SLC5A2: variants seen among roughly 807,000 people sequenced by gnomAD.
SLC5A2 encodes the protein solute carrier family 5 member 2, also known as sodium/glucose cotransporter 2.
SLC5A2 carries 67 observed loss-of-function variants against 69.0 expected under a neutral mutation model. The observed-to-expected ratio is 0.97, with a 90% CI of 0.80 to 1.19. The LOEUF (loss-of-function observed/expected upper bound fraction) is 1.19, where lower values mean the gene tolerates loss of function less well. Among genes scored for constraint, SLC5A2 ranks in the 50% most tolerant of loss-of-function variants. The pLI is 0.00. For synonymous variants in SLC5A2, 455 were observed against 395.8 expected, an observed-to-expected ratio of 1.15 and a Z score of -1.78; for missense variants, 1,001 against 921.5, an observed-to-expected ratio of 1.09 and a Z score of -1.12.
chr16:31,487,406 G>C lies in SLC5A2; in HGVS notation c.655+6G>C, dbSNP rs779984246. On this transcript the variant is annotated splice_donor_region_variant and intron_variant, in intron 6 of 13. Transcript: ENST00000330498. ...CTGCATCCTCATGGGTTACGGTAGG[G>C]GCTCGCCTACCAGGGAGGGGCGCGG... The C allele has an allele frequency of 1.9e-6, 3 of 1,613,096 alleles. No homozygotes were observed. The South Asian group carries it at 3.3e-5, about 18-fold the overall frequency.
At chr16:31,483,315 G>A in intron 1 of SLC5A2, 53 bp downstream of exon 1, 3 of 1,611,184 alleles carry the variant, frequency 1.9e-6, no homozygotes, top group Non-Finnish European at 2.5e-6. Flanking sequence ...GGGGCCTGGG[G>A]GAAAAGTCTC....
intron 10 of SLC5A2, 42 bp downstream of exon 10, chr16:31,488,814 G>C: frequency 6.2e-7 from 1 of 1,600,846 alleles, no homozygotes; most frequent in South Asian, 1.1e-5. Flanking sequence ...ATCAGCCCGG[G>C]GCGGGGGCTT....
In SLC5A2 at chr16:31,487,203, T is replaced by C. The variant is rs973201368; in HGVS notation, c.575-117T>C. On this transcript the variant is annotated intron_variant, in intron 5 of 13. Transcript: ENST00000330498. The stretch of plus-strand genomic sequence containing the variant: ...TGAGCCCCGAGAACAGGCTATCGTT[T>C]TGAAATTTATTCTCCAGGAAGGGGA... 7.8e-6 allele frequency: 8 copies of C among 1,027,298 alleles called. No individual in the cohort carries two copies. In the African/African-American group the frequency reaches 9.5e-5, roughly 12 times the overall value. 63.6% of individuals were successfully genotyped at this position (1,027,298 alleles called of 1,614,324 possible).
At chr16:31,485,035 AC>A (rs1363138846) in intron 3 of SLC5A2, 112 bp downstream of exon 3, 1 of 985,866 alleles carries the variant, frequency 1.0e-6, no homozygotes, top group Admixed American at 2.0e-5. Flanking sequence ...GGACTTCCCA[AC>A]TGCGGGGTGT....
Position 31,489,144 on chromosome 16 carries a change from G to A in SLC5A2, c.1471G>A (p.Gly491Arg), listed in dbSNP as rs1170619221. Reference sequence around the variant, plus strand: ...GCAGGGCGCCTTCTGGGGACTCATCGGGGGCCTGCTGATGGGCCTGGCACG... The same window carrying A: ...GCAGGGCGCCTTCTGGGGACTCATCAGGGGCCTGCTGATGGGCCTGGCACG... The part of the protein sequence containing the change: ...NEQGAFWGLI[G>R]GLLMGLARLI... Residue 491 changes from glycine to arginine, a missense_variant, in exon 12 of 14, where the codon GGG becomes AGG. Physicochemically the swap from Gly to Arg is moderately radical, Grantham distance 125. Transcript: ENST00000330498. The A allele has an allele frequency of 3.1e-6, 5 of 1,609,254 alleles. No individual in the cohort carries two copies. Among genetic ancestry groups the A allele is most frequent in the African/African-American group, 1.3e-5 (1 of 75,058 alleles).
At chr16:31,487,456 C>G in intron 6 of SLC5A2, 56 bp downstream of exon 6, 1 of 1,610,366 alleles carries the variant, frequency 6.2e-7, no homozygotes, top group Non-Finnish European at 8.5e-7. Flanking sequence ...GAGCTCTCGG[C>G]CTGCGCGCGG....
chr16:31,483,311 TG>T (rs1567386896), intron 1 of SLC5A2, 49 bp downstream of exon 1: 1 of 1,589,960 alleles, frequency 6.3e-7, no homozygotes. Context: ...TTTGGGGGCC[TG>T]GGGGAAAAGT....
At position 31,488,892 on chromosome 16, in the gene SLC5A2, G is replaced by A. The variant is rs764594415; in HGVS notation, c.1293G>A (p.Val431=). 2 of 1,605,382 alleles carry A rather than the reference G, an allele frequency of 1.2e-6. No homozygotes were observed. Among genetic ancestry groups the A allele is most frequent in the African/African-American group, 1.3e-5 (1 of 74,928 alleles). Residue 431 remains valine (V), a synonymous_variant, in exon 11 of 14, where the codon GTG becomes GTA. Coordinates refer to ENST00000330498, the MANE Select transcript of SLC5A2 (RefSeq NM_003041.4). ...ELLLVGRLWV[V]FIVVVSVAWL... is the part of the protein sequence containing the mutation. The stretch of plus-strand genomic sequence containing the variant: ...GCCTCCGCCGCAGGCTCTGGGTGGT[G>A]TTCATCGTGGTAGTGTCGGTGGCCT...
rs1188721313 is a variant in SLC5A2 at position 31,490,323 on chromosome 16, G to A, written c.1807G>A (p.Ala603Thr). ...AMEMNEPQAP[A>T]PSLFRQCLLW... The stretch of plus-strand genomic sequence containing the variant: ...ATTTCCCTCAGAGCCCCAGGCCCCG[G>A]CACCAAGCCTCTTCCGCCAGTGCCT... Residue 603 changes from alanine to threonine, a missense_variant, in exon 14 of 14, where the codon GCA becomes ACA. Ala to Thr is a moderately conservative substitution (Grantham distance 58). Coordinates refer to ENST00000330498, the MANE Select transcript of SLC5A2 (RefSeq NM_003041.4). 2 of 1,612,070 alleles carry A rather than the reference G, an allele frequency of 1.2e-6. No homozygotes were observed. The highest frequency in any genetic ancestry group is 8.5e-7 in the Non-Finnish European group (1 of 1,179,286).
At chr16:31,486,749 C>A (rs905039374) in intron 5 of SLC5A2, among the ~76,000 whole-genome samples, 4 of 152,192 alleles carry the variant, frequency 2.6e-5, no homozygotes, top group African/African-American at 9.7e-5. Flanking sequence ...CCTACGATGA[C>A]GCAGAAAAAA....
Position 31,490,718 on chromosome 16 carries a change from G to C in SLC5A2, c.*183G>C. ...GGCAGTCACTTCCCATGAGGGCCTG[G>C]CCCACCCGCTGCAGTTGCCCTAAGG... On this transcript the variant is annotated 3_prime_UTR_variant, in exon 14 of 14. Coordinates refer to ENST00000330498, the MANE Select transcript of SLC5A2 (RefSeq NM_003041.4). 1 of 1,252,996 alleles carries C rather than the reference G, an allele frequency of 8.0e-7. No individual in the cohort carries two copies. Among genetic ancestry groups the C allele is most frequent in the South Asian group, 1.2e-5 (1 of 80,638 alleles). The allele number at this position is 1,252,996 out of a possible 1,614,324, so 77.6% of individuals were successfully genotyped here.
At chr16:31,484,357 G>T (rs2082478486) in intron 1 of SLC5A2, among the ~76,000 whole-genome samples, 1 of 151,374 alleles carries the variant, frequency 6.6e-6, no homozygotes, top group African/African-American at 2.4e-5. Flanking sequence ...GGAGGTGGAG[G>T]TTGTAGTGAG....
chr16:31,488,203 G>T (rs1337623706), intron 8 of SLC5A2, 30 bp downstream of exon 8: 2 of 1,613,882 alleles, frequency 1.2e-6, no homozygotes, highest in Admixed American at 3.3e-5. Context: ...CCTTTCCTGT[G>T]CCAGCAACCG....
rs1342992439 is a variant in SLC5A2 at position 31,488,191 on chromosome 16, C to G, written c.1021+18C>G. The G allele has an allele frequency of 3.1e-6, 5 of 1,613,894 alleles. No individual in the cohort carries two copies. Among genetic ancestry groups the G allele is most frequent in the African/African-American group, 1.3e-5 (1 of 74,932 alleles). On this transcript the variant is annotated intron_variant, in intron 8 of 13. Transcript: ENST00000330498. ...GTACCCAGGTAACATCCCTGCCCCGCCCCTTTCCTGTGCCAGCAACCGGGC... is the reference window on the plus strand; with the variant it reads ...GTACCCAGGTAACATCCCTGCCCCGGCCCTTTCCTGTGCCAGCAACCGGGC...
In SLC5A2 at chr16:31,486,256, C is replaced by T; in HGVS notation, c.555C>T (p.Thr185=). 6.2e-7 allele frequency: 1 copy of T among 1,613,562 alleles called. No individual in the cohort carries two copies. Among genetic ancestry groups the T allele is most frequent in the African/African-American group, 1.3e-5 (1 of 75,018 alleles). The change falls in exon 5 of 14, where the codon ACC becomes ACT. Residue 185 remains threonine (T), a synonymous_variant. Coordinates refer to ENST00000330498, the MANE Select transcript of SLC5A2 (RefSeq NM_003041.4). ...YASVIALLGI[T]MIYTVTGGLA... is the part of the protein sequence containing the mutation. Reference sequence around the variant, plus strand: ...CCGTCATCGCGCTTCTGGGCATCACCATGATTTACACGGTGACAGGTGCCA... The same window carrying T: ...CCGTCATCGCGCTTCTGGGCATCACTATGATTTACACGGTGACAGGTGCCA...
chr16:31,488,939 C>T lies in SLC5A2; in HGVS notation c.1340C>T (p.Ala447Val). Reference protein sequence around the residue: ...SVAWLPVVQAAQGGQLFDYIQ... With the variant: ...SVAWLPVVQAVQGGQLFDYIQ... ...GCCTGGCTTCCCGTGGTGCAGGCGG[C>T]ACAGGGCGGGCAGCTCTTCGATTAC... The change falls in exon 11 of 14, where the codon GCA becomes GTA. Residue 447 changes from alanine (A) to valine (V), a missense_variant. Coordinates refer to ENST00000330498, the MANE Select transcript of SLC5A2 (RefSeq NM_003041.4). The T allele has an allele frequency of 6.2e-7, 1 of 1,604,226 alleles. No homozygotes were observed.
intron 1 of SLC5A2, among the ~76,000 whole-genome samples, 196 bp from the exon 2 acceptor site, chr16:31,484,477 G>C (rs1555495501): frequency 6.6e-6 from 1 of 152,036 alleles, no homozygotes; most frequent in Non-Finnish European, 1.5e-5. Flanking sequence ...GAAAAAAACT[G>C]GGGGAATAGG....
chr16:31,486,525 T>C (rs1406889442), intron 5 of SLC5A2, among the ~76,000 whole-genome samples: 2 of 152,126 alleles, frequency 1.3e-5, no homozygotes, highest in African/African-American at 4.8e-5. Flanking sequence ...AAAGGAAGAT[T>C]TAGCAGCTCT....
chr16:31,486,272 A>C lies in SLC5A2; in HGVS notation c.571A>C (p.Thr191Pro), dbSNP rs771791831. ...LLGITMIYTVTGGLAALMYTD... is the reference protein window; with the variant it reads ...LLGITMIYTVPGGLAALMYTD... ...GGGCATCACCATGATTTACACGGTG[A>C]CAGGTGCCAGCAGGGGCTTAGGAAA... is the stretch of plus-strand genomic sequence containing the variant. Residue 191 changes from threonine to proline, a missense_variant, in exon 5 of 14, where the codon ACA becomes CCA. By Grantham distance (38) the Thr-to-Pro change is conservative. Transcript: ENST00000330498. 11 of 1,612,132 alleles carry C rather than the reference A, an allele frequency of 6.8e-6. No individual in the cohort carries two copies. Among genetic ancestry groups the C allele is most frequent in the Non-Finnish European group, 8.5e-6 (10 of 1,178,580 alleles).
Sources: gnomAD v4.1 joint callset for allele counts (sites outside exome capture counted in the v4.1 genomes callset) on GRCh38, gnomAD v4.1.1 for gene constraint, MANE v1.5 for transcripts, NCBI Gene and HGNC (gene_info 2026-07-23, HGNC 2026-07-21) for gene names.